The following DUSP13A variants were observed in gnomAD, a reference collection of about 807,000 sequenced individuals.
DUSP13A encodes dual specificity protein phosphatase 13A.
At chr10:75,106,326 G>A in the DUSP13A span, among the ~76,000 whole-genome samples, 1 of 151,646 alleles carries the variant, frequency 6.6e-6, no homozygotes, top group Non-Finnish European at 1.5e-5. Context: ...CGAGAAACAT[G>A]GAGGAACTTG....
At chr10:75,108,387 G>C in the DUSP13A span, 1 of 1,206,202 alleles carries the variant, frequency 8.3e-7, no homozygotes, top group Non-Finnish European at 1.1e-6. Context: ...CGCACTTTCT[G>C]GTGGCTGAGC....
At chr10:75,108,269 G>A in the DUSP13A span, 1 of 1,532,818 alleles carries the variant, frequency 6.5e-7, no homozygotes. Flanking sequence ...GAGGGAGGCT[G>A]TGCCTGGCCC....
the DUSP13A span, among the ~76,000 whole-genome samples, chr10:75,107,058 G>A: frequency 4.6e-5 from 7 of 152,120 alleles, no homozygotes; most frequent in Non-Finnish European, 8.8e-5. Context: ...TTTGGGGGCC[G>A]GGTGCGGTGG....
the DUSP13A span, chr10:75,108,133 A>G: frequency 6.2e-7 from 1 of 1,613,588 alleles, no homozygotes; most frequent in Non-Finnish European, 8.5e-7. Flanking sequence ...CCCTGACAGT[A>G]GAGGCCCTTG....
the DUSP13A span, chr10:75,105,885 G>A: frequency 1.3e-6 from 2 of 1,544,498 alleles, no homozygotes; most frequent in Non-Finnish European, 1.8e-6. Flanking sequence ...AAGACATCCT[G>A]GTGAAAAACC....
the DUSP13A span, among the ~76,000 whole-genome samples, chr10:75,106,384 G>A: frequency 6.6e-6 from 1 of 151,954 alleles, no homozygotes; most frequent in Non-Finnish European, 1.5e-5. Flanking sequence ...CTTACCACAT[G>A]CTATTCCAAA....
the DUSP13A span, among the ~76,000 whole-genome samples, chr10:75,106,047 G>GTTCTGC: frequency 1.6e-4 from 24 of 149,932 alleles, 1 homozygote; most frequent in African/African-American, 7.4e-5. Context: ...ATCAACACCT[G>GTTCTGC]TTCTGCCTAC....
At chr10:75,106,096 C>CTTTTT in the DUSP13A span, among the ~76,000 whole-genome samples, 3 of 109,026 alleles carry the variant, frequency 2.8e-5, no homozygotes, top group East Asian at 5.6e-4. Context: ...TCTTTTCTTT[C>CTTTTT]TTTTCTTTTT....
chr10:75,108,897 G>A, the DUSP13A span: 3 of 1,390,536 alleles, frequency 2.2e-6, no homozygotes, highest in Non-Finnish European at 2.9e-6. Flanking sequence ...GGCCTGGGAT[G>A]GTCAGAGCAG....
At chr10:75,108,519 T>G in the DUSP13A span, among the ~76,000 whole-genome samples, 1 of 152,150 alleles carries the variant, frequency 6.6e-6, no homozygotes, top group Non-Finnish European at 1.5e-5. Context: ...TGCCCCTCCC[T>G]TCTTGCCCCA....
the DUSP13A span, chr10:75,107,969 T>G: frequency 6.3e-7 from 1 of 1,596,994 alleles, no homozygotes; most frequent in South Asian, 1.1e-5. Flanking sequence ...AGATGGGATA[T>G]GGGCTTGGAC....
chr10:75,108,276 G>T, the DUSP13A span: 2 of 1,523,122 alleles, frequency 1.3e-6, no homozygotes, highest in Non-Finnish European at 8.7e-7. Context: ...GCTGTGCCTG[G>T]CCCCCTGCTG....
At chr10:75,109,101 G>A in the DUSP13A span, 1 of 1,612,016 alleles carries the variant, frequency 6.2e-7, no homozygotes, top group East Asian at 2.2e-5. Context: ...CCAGGATGCT[G>A]GGGCAAGGCG....
At chr10:75,107,920 G>T in the DUSP13A span, 2 of 1,486,966 alleles carry the variant, frequency 1.3e-6, no homozygotes, top group South Asian at 2.6e-5. Flanking sequence ...GGGCACTGAT[G>T]ACTGAGAGGA....
At chr10:75,107,970 G>A in the DUSP13A span, 3 of 1,597,752 alleles carry the variant, frequency 1.9e-6, no homozygotes, top group African/African-American at 2.7e-5. Flanking sequence ...GATGGGATAT[G>A]GGCTTGGACC....
At chr10:75,109,069 G>GC in the DUSP13A span, 1 of 1,612,272 alleles carries the variant, frequency 6.2e-7, no homozygotes, top group Middle Eastern at 1.7e-4. Context: ...AGACTTCCCT[G>GC]CCCGCAGGAG....
At chr10:75,105,882 C>A in the DUSP13A span, 24 of 1,544,796 alleles carry the variant, frequency 1.6e-5, no homozygotes, top group Admixed American at 4.3e-4. Flanking sequence ...AGGAAGACAT[C>A]CTGGTGAAAA....
chr10:75,109,072 C>T, the DUSP13A span: 11 of 1,612,348 alleles, frequency 6.8e-6, no homozygotes, highest in South Asian at 5.5e-5. Flanking sequence ...CTTCCCTGCC[C>T]GCAGGAGCTC....
chr10:75,108,628 G>T, the DUSP13A span, among the ~76,000 whole-genome samples: 5 of 152,072 alleles, frequency 3.3e-5, no homozygotes, highest in Non-Finnish European at 5.9e-5. Context: ...TTCACCTTCA[G>T]TCAGGCTTCT....
Sources: allele counts gnomAD v4.1 joint callset (sites outside exome capture counted in the v4.1 genomes callset), GRCh38; gene constraint gnomAD v4.1.1; transcripts MANE v1.5; gene names NCBI Gene and HGNC (gene_info 2026-07-23, HGNC 2026-07-21).